Variants in SRGAP3 observed in about 807,000 individuals in gnomAD.
The protein encoded by SRGAP3 is SLIT-ROBO Rho GTPase activating protein 3, also known as SLIT-ROBO Rho GTPase-activating protein 3.
Under a neutral mutation model 121.1 loss-of-function variants are expected in SRGAP3, and 39 were observed. The ratio of observed to expected loss-of-function variants is 0.32; its 90% confidence interval spans 0.25 to 0.42. The LOEUF is 0.42. Among genes scored for constraint, SRGAP3 ranks in the 10% least tolerant of loss-of-function variants. SRGAP3 has a pLI of 1.00. For missense variants in SRGAP3, 1,213 were observed against 1,470.6 expected, an observed-to-expected ratio of 0.82 and a Z score of 2.86; for synonymous variants, 601 against 570.0, an observed-to-expected ratio of 1.05 and a Z score of -0.77.
At chr3:9,254,394 G>A (rs537843079), upstream of SRGAP3, among the ~76,000 whole-genome samples, 397 of 152,326 alleles carry the variant, frequency 2.6e-3, 1 homozygote, top group African/African-American at 9.4e-3. Flanking sequence ...ATATCCATAG[G>A]AAATTCCATC....
At chr3:9,281,741 G>A (rs2125265586) in intron 3 of SRGAP3, among the ~76,000 whole-genome samples, 1 of 152,070 alleles carries the variant, frequency 6.6e-6, no homozygotes, top group East Asian at 1.9e-4. Flanking sequence ...GGCATGATCT[G>A]GGCTCACTGC....
intron 1 of SRGAP3, among the ~76,000 whole-genome samples, chr3:9,244,187 T>C (rs1487233367): frequency 6.6e-6 from 1 of 152,338 alleles, no homozygotes; most frequent in African/African-American, 2.4e-5. Flanking sequence ...GTGTTTGGGA[T>C]TTTTTTATTT....
chr3:9,032,776 A>C (rs2125093067), intron 11 of SRGAP3, 24 bp from the exon 12 acceptor site: 1 of 1,603,596 alleles, frequency 6.2e-7, no homozygotes. Context: ...GAACAAAAGA[A>C]ATCAAGAAAG....
At chr3:9,203,242 C>G (rs1258895573) in intron 1 of SRGAP3, among the ~76,000 whole-genome samples, 1 of 152,168 alleles carries the variant, frequency 6.6e-6, no homozygotes, top group Non-Finnish European at 1.5e-5. Flanking sequence ...ATGACCAAAA[C>G]AATCACCCCC....
intron 1 of SRGAP3, among the ~76,000 whole-genome samples, chr3:9,362,343 T>C (rs1388396147): frequency 1.3e-5 from 2 of 151,172 alleles, no homozygotes; most frequent in Non-Finnish European, 3.0e-5. Flanking sequence ...TTTGTATTTT[T>C]AGTAGAGATG....
At chr3:9,152,617 C>T (rs990022857) in intron 1 of SRGAP3, among the ~76,000 whole-genome samples, 2 of 152,208 alleles carry the variant, frequency 1.3e-5, no homozygotes, top group East Asian at 1.9e-4. Context: ...CCCTGAGAGA[C>T]GAGCAGTGTG....
intron 1 of SRGAP3, among the ~76,000 whole-genome samples, chr3:9,348,150 G>C (rs1955940705): frequency 6.6e-6 from 1 of 152,166 alleles, no homozygotes; most frequent in East Asian, 1.9e-4. Context: ...TACTAAGTCA[G>C]CTATGAATCA....
chr3:9,345,514 G>C lies in SRGAP3; in HGVS notation n.215-14918C>G, dbSNP rs777377641. On this transcript the variant is annotated intron_variant and non_coding_transcript_variant, in intron 1 of 3. Transcript: ENST00000490889. Reference sequence around the variant, plus strand: ...AAAGAAAAAAGAGGCCAGGTGCGGTGGCTAACGCTTGTAATCCTAGCACTT... The same window carrying C: ...AAAGAAAAAAGAGGCCAGGTGCGGTCGCTAACGCTTGTAATCCTAGCACTT... 6.8e-4 allele frequency among the ~76,000 whole-genome samples: 102 copies of C among 149,534 alleles called. 1 individual carries two copies. The highest frequency in any genetic ancestry group is 1.8e-4 in the Non-Finnish European group (12 of 67,516).
intron 1 of SRGAP3, among the ~76,000 whole-genome samples, chr3:9,154,367 C>A (rs2125062199): frequency 6.6e-6 from 1 of 152,268 alleles, no homozygotes; most frequent in South Asian, 2.1e-4. Context: ...CCAGCTCTTA[C>A]AGGAGAGAGG....
intron 4 of SRGAP3, among the ~76,000 whole-genome samples, chr3:9,079,075 C>T (rs1019992577): frequency 6.6e-6 from 1 of 152,146 alleles, no homozygotes. Context: ...GATAATAAAA[C>T]CAAACAGAAG....
At position 9,113,358 on chromosome 3, in the gene SRGAP3, C is replaced by T. The variant is rs967064292; in HGVS notation, c.261-8516G>A. Among the ~76,000 whole-genome samples, 3 of 152,232 alleles carry T rather than the reference C, an allele frequency of 2.0e-5. No individual in the cohort carries two copies. The South Asian group carries it at 6.2e-4, about 32-fold the overall frequency. On this transcript the variant is annotated intron_variant, in intron 2 of 21. Coordinates refer to ENST00000383836, the MANE Select transcript of SRGAP3 (RefSeq NM_014850.4). ...AGATCTTTGGTGTCCTTGGTGTAGA[C>T]ACAGCACCCCAATCTTTGCCTTCAC...
At chr3:9,123,762 G>GTGTGTGTGTGTGTGTGTA (rs1182513386) in intron 2 of SRGAP3, among the ~76,000 whole-genome samples, 28 of 149,130 alleles carry the variant, frequency 1.9e-4, no homozygotes, top group Non-Finnish European at 2.5e-4. Flanking sequence ...GTGTATGTGT[G>GTGTGTGTGTGTGTGTGTA]TATATATGTA....
intron 1 of SRGAP3, among the ~76,000 whole-genome samples, chr3:9,162,089 C>T (rs1233584903): frequency 1.3e-5 from 2 of 152,126 alleles, no homozygotes; most frequent in Non-Finnish European, 2.9e-5. Context: ...TATGACTCTA[C>T]TTACATGAGA....
At chr3:9,123,732 A>ATG (rs532602901) in intron 2 of SRGAP3, among the ~76,000 whole-genome samples, 21,766 of 138,994 alleles carry the variant, frequency 0.16, 2,060 homozygotes, top group Non-Finnish European at 0.23. Flanking sequence ...ATATGTATAT[A>ATG]TGTGTGTGTG....
At chr3:9,346,722 A>G (rs1176476672) in intron 1 of SRGAP3, among the ~76,000 whole-genome samples, 1 of 151,502 alleles carries the variant, frequency 6.6e-6, no homozygotes, top group African/African-American at 2.4e-5. Context: ...CAAGGGAGGA[A>G]CAAGAATAGA....
intron 5 of SRGAP3, among the ~76,000 whole-genome samples, chr3:9,061,418 C>T (rs78049933): frequency 0.036 from 5,410 of 152,168 alleles, 309 homozygotes; most frequent in African/African-American, 0.12. Context: ...ATTCCTGTCT[C>T]AAGGCCCTCA....
chr3:9,346,244 T>C (rs1955889510), intron 1 of SRGAP3, among the ~76,000 whole-genome samples: 1 of 152,036 alleles, frequency 6.6e-6, no homozygotes, highest in African/African-American at 2.4e-5. Flanking sequence ...TTAAATTTTT[T>C]TATTTTTTAT....
chr3:9,100,170 A>G (rs1375199067), intron 3 of SRGAP3, among the ~76,000 whole-genome samples: 1 of 152,236 alleles, frequency 6.6e-6, no homozygotes, highest in African/African-American at 2.4e-5. Flanking sequence ...AGCCAAACTC[A>G]GTTGTGCACT....
At chr3:9,242,366 G>A (rs189757511) in intron 1 of SRGAP3, among the ~76,000 whole-genome samples, 35 of 152,310 alleles carry the variant, frequency 2.3e-4, no homozygotes, top group African/African-American at 4.6e-4. Context: ...GCCGCACAGC[G>A]GCTCACGCCT....
Sources: allele counts gnomAD v4.1 joint callset (sites outside exome capture counted in the v4.1 genomes callset), GRCh38; gene constraint gnomAD v4.1.1; transcripts MANE v1.5; gene names NCBI Gene and HGNC (gene_info 2026-07-23, HGNC 2026-07-21).